TRPM3: variants seen among roughly 807,000 people sequenced by gnomAD.
TRPM3 encodes the protein transient receptor potential cation channel subfamily M member 3.
A neutral mutation model predicts 181.2 loss-of-function variants in TRPM3; 77 were observed. The observed-to-expected ratio is 0.42, with a 90% CI of 0.35 to 0.51. TRPM3 has a LOEUF of 0.51. Among genes scored for constraint, TRPM3 ranks in the 20% least tolerant of loss-of-function variants. The pLI is 0.01. For missense variants in TRPM3, 1,759 were observed against 2,196.7 expected, an observed-to-expected ratio of 0.80 and a Z score of 3.98; for synonymous variants, 745 against 796.4, an observed-to-expected ratio of 0.94 and a Z score of 1.09.
intron 1 of TRPM3, among the ~76,000 whole-genome samples, chr9:71,042,246 G>A (rs2058911904): frequency 6.6e-6 from 1 of 151,622 alleles, no homozygotes; most frequent in South Asian, 2.1e-4. Flanking sequence ...AATATATTTG[G>A]GAAATGCTGC....
intron 7 of TRPM3, among the ~76,000 whole-genome samples, chr9:70,771,037 C>A (rs145530529): frequency 2.0e-5 from 3 of 152,176 alleles, no homozygotes; most frequent in African/African-American, 7.2e-5. Context: ...AGCTCATTAG[C>A]TCTTGGATCA....
intron 12 of TRPM3, among the ~76,000 whole-genome samples, chr9:70,627,620 C>T (rs1486240067): frequency 6.6e-6 from 1 of 152,130 alleles, no homozygotes; most frequent in Non-Finnish European, 1.5e-5. Context: ...TAGCTCCCAC[C>T]CCATCCCACT....
chr9:70,969,631 T>G (rs578011216), intron 1 of TRPM3, among the ~76,000 whole-genome samples: 1 of 151,372 alleles, frequency 6.6e-6, no homozygotes, highest in East Asian at 1.9e-4. Context: ...AGATAGAATA[T>G]TGTGTTGAAA....
chr9:71,135,694 G>A (rs961622015), intron 1 of TRPM3, among the ~76,000 whole-genome samples: 3 of 152,082 alleles, frequency 2.0e-5, no homozygotes, highest in Admixed American at 2.0e-4. Flanking sequence ...TGGGATTATG[G>A]ATATAAGTAG....
intron 12 of TRPM3, 121 bp downstream of exon 12, chr9:70,635,090 A>T: frequency 1.3e-6 from 1 of 750,674 alleles, no homozygotes; most frequent in Non-Finnish European, 2.2e-6. Flanking sequence ...CACTGTTCTG[A>T]AATGAGTGGC....
intron 22 of TRPM3, among the ~76,000 whole-genome samples, chr9:70,570,710 C>T (rs765217847): frequency 3.9e-5 from 6 of 152,080 alleles, no homozygotes; most frequent in African/African-American, 1.2e-4. Flanking sequence ...GATTGAATAT[C>T]GGGTTATTAT....
chr9:71,232,758 A>G (rs925730837), intron 1 of TRPM3, among the ~76,000 whole-genome samples: 7 of 151,984 alleles, frequency 4.6e-5, no homozygotes, highest in African/African-American at 1.7e-4. Flanking sequence ...TCGGCCTCCC[A>G]AAGTGCTAGG....
chr9:71,421,905 C>T (rs1250311387), intron 1 of TRPM3, among the ~76,000 whole-genome samples: 1 of 152,018 alleles, frequency 6.6e-6, no homozygotes, highest in Non-Finnish European at 1.5e-5. Flanking sequence ...ATTATACACA[C>T]ATGACTAAGT....
rs192724257 is a variant in TRPM3 at position 71,032,325 on chromosome 9, C to T, written c.177+88853G>A. On this transcript the variant is annotated intron_variant, in intron 1 of 25. Coordinates refer to ENST00000677713, the MANE Select transcript of TRPM3 (RefSeq NM_001366145.2). ...TAATAACACTTTATTAACTAGAGAT[C>T]ACATAAAAGAGAGCATGATGAAAGA... Among the ~76,000 whole-genome samples, 575 of 149,112 alleles carry T rather than the reference C, an allele frequency of 3.9e-3. 1 individual carries two copies. Among genetic ancestry groups the T allele is most frequent in the Admixed American group, 6.5e-3 (95 of 14,602 alleles).
At chr9:70,601,493 G>A (rs1027400909) in intron 20 of TRPM3, among the ~76,000 whole-genome samples, 1 of 152,108 alleles carries the variant, frequency 6.6e-6, no homozygotes, top group African/African-American at 2.4e-5. Flanking sequence ...ATGGCCTGTG[G>A]GGTCCTCACC....
intron 1 of TRPM3, among the ~76,000 whole-genome samples, chr9:71,327,992 T>C (rs1053233208): frequency 1.3e-5 from 2 of 151,812 alleles, no homozygotes; most frequent in Non-Finnish European, 2.9e-5. Context: ...GGAGATGAAC[T>C]GTTCTCTGGA....
chr9:71,282,682 G>A (rs981358404), intron 1 of TRPM3, among the ~76,000 whole-genome samples: 3 of 152,156 alleles, frequency 2.0e-5, no homozygotes, highest in Non-Finnish European at 4.4e-5. Flanking sequence ...ACCAGCATGA[G>A]AACTTAAACC....
intron 1 of TRPM3, among the ~76,000 whole-genome samples, chr9:71,025,950 T>C (rs1743238389): frequency 7.2e-6 from 1 of 138,538 alleles, no homozygotes. Context: ...CAGTGACTAC[T>C]GCAGAAGGGG....
At chr9:71,424,214 G>A (rs2131567787) in intron 1 of TRPM3, among the ~76,000 whole-genome samples, 1 of 152,194 alleles carries the variant, frequency 6.6e-6, no homozygotes. Context: ...TCCAAATTCA[G>A]CAATCCTAGG....
At chr9:71,352,375 T>C (rs1486170738) in intron 1 of TRPM3, among the ~76,000 whole-genome samples, 1 of 152,228 alleles carries the variant, frequency 6.6e-6, no homozygotes. Context: ...TAGTTATTCA[T>C]TATATTCAAC....
chr9:70,811,137 A>G (rs749599790), intron 6 of TRPM3: 1 of 1,545,008 alleles, frequency 6.5e-7, no homozygotes, highest in African/African-American at 1.4e-5. Flanking sequence ...GGAGTTTAAG[A>G]AGAAATTCAC....
chr9:71,174,031 G>A (rs917275481), intron 1 of TRPM3, among the ~76,000 whole-genome samples: 4 of 152,090 alleles, frequency 2.6e-5, no homozygotes, highest in African/African-American at 4.8e-5. Flanking sequence ...AGTGATAGCC[G>A]ACTCTGCATA....
At chr9:70,543,658 G>C (rs936634818) in intron 25 of TRPM3, among the ~76,000 whole-genome samples, 12 of 151,994 alleles carry the variant, frequency 7.9e-5, no homozygotes, top group African/African-American at 2.9e-4. Flanking sequence ...TCACTTTTTG[G>C]ATCTAGGTAA....
At chr9:70,912,536 T>C (rs2096548599) in intron 1 of TRPM3, among the ~76,000 whole-genome samples, 2 of 152,182 alleles carry the variant, frequency 1.3e-5, no homozygotes, top group African/African-American at 2.4e-5. Flanking sequence ...ATAGTGCTGA[T>C]AGTAGATAAG....
Sources: allele counts gnomAD v4.1 joint callset (sites outside exome capture counted in the v4.1 genomes callset), GRCh38; gene constraint gnomAD v4.1.1; transcripts MANE v1.5; gene names NCBI Gene and HGNC (gene_info 2026-07-23, HGNC 2026-07-21).